Variants in IL15RA observed in about 807,000 individuals in gnomAD.
IL15RA encodes interleukin-15 receptor subunit alpha.
In IL15RA, 26 loss-of-function variants were observed where a neutral mutation model predicts 24.2. The observed-to-expected ratio is 1.07, with a 90% CI of 0.79 to 1.49. The LOEUF is 1.49. Among genes scored for constraint, IL15RA ranks in the 40% most tolerant of loss-of-function variants. The pLI is 0.00. For synonymous variants in IL15RA, 166 were observed against 157.6 expected, an observed-to-expected ratio of 1.05 and a Z score of -0.40; for missense variants, 354 against 356.4, an observed-to-expected ratio of 0.99 and a Z score of 0.05.
At chr10:5,969,109 T>C (rs1837131847) in intron 1 of IL15RA, among the ~76,000 whole-genome samples, 1 of 152,210 alleles carries the variant, frequency 6.6e-6, no homozygotes, top group African/African-American at 2.4e-5. Context: ...CCGTGCTGCC[T>C]TGATTATTGT....
rs8177697 is a variant in IL15RA at position 5,961,722 on chromosome 10, G to A, written c.383-1155C>T. ...TGCCCCTGCACTGTAAGGGTGTGGCGTAACTGTGCTGTTCCCTCTCCATGA... is the reference window on the plus strand; with the variant it reads ...TGCCCCTGCACTGTAAGGGTGTGGCATAACTGTGCTGTTCCCTCTCCATGA... On this transcript the variant is annotated intron_variant, in intron 3 of 6. Coordinates refer to ENST00000379977, the MANE Select transcript of IL15RA (RefSeq NM_002189.4). The surrounding 1 kb of genome is among the most constrained non-coding windows in gnomAD (Gnocchi z 5.2). Among the ~76,000 whole-genome samples, 57 of 152,326 alleles carry A rather than the reference G, an allele frequency of 3.7e-4. No homozygotes were observed. Among genetic ancestry groups the A allele is most frequent in the Middle Eastern group, 3.4e-3 (1 of 294 alleles).
Position 5,970,899 on chromosome 10 carries a change from T to C in IL15RA, c.89-4560A>G, listed in dbSNP as rs1439998010. On this transcript the variant is annotated intron_variant, in intron 1 of 6. Coordinates refer to ENST00000379977, the MANE Select transcript of IL15RA (RefSeq NM_002189.4). The surrounding 1 kb of genome is among the most constrained non-coding windows in gnomAD (Gnocchi z 4.1). ...CCTCAGCCTCCCGAGTAGCTGGGACTAGAGGCACATGCCACCATACCTGGC... is the reference window on the plus strand; with the variant it reads ...CCTCAGCCTCCCGAGTAGCTGGGACCAGAGGCACATGCCACCATACCTGGC... Among the ~76,000 whole-genome samples, 1 of 151,992 alleles carries C rather than the reference T, an allele frequency of 6.6e-6. No individual in the cohort carries two copies. The highest frequency in any genetic ancestry group is 1.9e-4 in the East Asian group (1 of 5,176).
At position 5,966,284 on chromosome 10, in the gene IL15RA, G is replaced by A; in HGVS notation, c.144C>T (p.Ser48=). Residue 48 remains serine (S), a synonymous_variant, in exon 2 of 7, where the codon AGC becomes AGT. Transcript: ENST00000379977. The surrounding 1 kb of genome is among the most constrained non-coding windows in gnomAD (Gnocchi z 6.4). ...SVEHADIWVK[S]YSLYSRERYI... is the part of the protein sequence containing the mutation. ...ACCGCTCCCTGGAGTACAAGCTGTAGCTCTTGACCCAGATGTCTGCGTGTT... is the reference window on the plus strand; with the variant it reads ...ACCGCTCCCTGGAGTACAAGCTGTAACTCTTGACCCAGATGTCTGCGTGTT... The A allele has an allele frequency of 6.2e-7, 1 of 1,614,040 alleles. No homozygotes were observed. Among genetic ancestry groups the A allele is most frequent in the Non-Finnish European group, 8.5e-7 (1 of 1,179,878 alleles).
At chr10:5,954,226 CA>C (rs1235786312) in intron 6 of IL15RA, among the ~76,000 whole-genome samples, 1 of 136,724 alleles carries the variant, frequency 7.3e-6, no homozygotes, top group African/African-American at 2.8e-5. Flanking sequence ...GGCTGGAGTG[CA>C]GTGGTGTGAT....
chr10:5,969,443 G>C (rs41294187), intron 1 of IL15RA, among the ~76,000 whole-genome samples: 1,594 of 152,120 alleles, frequency 0.01, 27 homozygotes, highest in Admixed American at 0.035. Context: ...CATGATCATA[G>C]CTCACTGCAG....
chr10:5,971,550 C>T lies in IL15RA; in HGVS notation c.89-5211G>A, dbSNP rs1345639722. Among the ~76,000 whole-genome samples, 1 of 152,212 alleles carries T rather than the reference C, an allele frequency of 6.6e-6. No homozygotes were observed. Among genetic ancestry groups the T allele is most frequent in the Non-Finnish European group, 1.5e-5 (1 of 68,044 alleles). Reference sequence around the variant, plus strand: ...ATCCTGTGAGCAGAGTCAGAATGGACTCCAACATTCCCCTCGCTTACAGCA... The same window carrying T: ...ATCCTGTGAGCAGAGTCAGAATGGATTCCAACATTCCCCTCGCTTACAGCA... On this transcript the variant is annotated intron_variant, in intron 1 of 6. Coordinates refer to ENST00000379977, the MANE Select transcript of IL15RA (RefSeq NM_002189.4). This position sits in a 1 kb window ranked among gnomAD's most constrained non-coding sequence, Gnocchi z 5.5.
rs181522524 is a variant in IL15RA at position 5,970,579 on chromosome 10, A to G, written c.89-4240T>C. On this transcript the variant is annotated intron_variant, in intron 1 of 6. Transcript: ENST00000379977. The surrounding 1 kb of genome is among the most constrained non-coding windows in gnomAD (Gnocchi z 4.1). ...CTGTGAATAGTTAATGTTTGAATGT[A>G]CAAGGATATCAATGTACTACAGCCA... 2.0e-5 allele frequency among the ~76,000 whole-genome samples: 3 copies of G among 152,292 alleles called. No homozygotes were observed. Among genetic ancestry groups the G allele is most frequent in the South Asian group, 4.1e-4 (2 of 4,832 alleles).
rs761743176 is a variant in IL15RA, at chr10:5,975,103, CAT to C, written c.88+2300_88+2301del. 6.6e-6 allele frequency among the ~76,000 whole-genome samples: 1 copy of C among 151,836 alleles called. No individual in the cohort carries two copies. The highest frequency in any genetic ancestry group is 1.5e-5 in the Non-Finnish European group (1 of 67,984). On this transcript the variant is annotated intron_variant, in intron 1 of 6. Coordinates refer to ENST00000379977, the MANE Select transcript of IL15RA (RefSeq NM_002189.4). This position sits in a 1 kb window ranked among gnomAD's most constrained non-coding sequence, Gnocchi z 4.8. ...ATTCTCTACCCATGAGAAATGAAAA[CAT>C]GTGTCCATACAGAAACCTGTATGTC...
chr10:5,977,147 C>A, intron 1 of IL15RA: 1 of 329,488 alleles, frequency 3.0e-6, no homozygotes, highest in Non-Finnish European at 5.5e-6. Flanking sequence ...CCTCGGAGAC[C>A]CCAGCCAGGC....
chr10:5,962,751 G>A lies in IL15RA; in HGVS notation c.382+992C>T, dbSNP rs1222300605. On this transcript the variant is annotated intron_variant, in intron 3 of 6. Coordinates refer to ENST00000379977, the MANE Select transcript of IL15RA (RefSeq NM_002189.4). The surrounding 1 kb of genome is among the most constrained non-coding windows in gnomAD (Gnocchi z 5.2). Reference sequence around the variant, plus strand: ...GAGTCCTGTAGTATGAATGACAACAGACAGGCCCATCCCCCCGGGGGCAAA... The same window carrying A: ...GAGTCCTGTAGTATGAATGACAACAAACAGGCCCATCCCCCCGGGGGCAAA... Among the ~76,000 whole-genome samples, 2 of 152,076 alleles carry A rather than the reference G, an allele frequency of 1.3e-5. No individual in the cohort carries two copies. Among genetic ancestry groups the A allele is most frequent in the East Asian group, 3.9e-4 (2 of 5,184 alleles).
chr10:5,958,882 T>C lies in IL15RA; in HGVS notation c.616+872A>G, dbSNP rs935728343. Reference sequence around the variant, plus strand: ...AATTACAGTTGGGTTTTTTGTTACTTTGGAAGCTTGTCAGCCTGGAGCATG... The same window carrying C: ...AATTACAGTTGGGTTTTTTGTTACTCTGGAAGCTTGTCAGCCTGGAGCATG... On this transcript the variant is annotated intron_variant, in intron 5 of 6. Coordinates refer to ENST00000379977, the MANE Select transcript of IL15RA (RefSeq NM_002189.4). This position sits in a 1 kb window ranked among gnomAD's most constrained non-coding sequence, Gnocchi z 4.3. Among the ~76,000 whole-genome samples the C allele has an allele frequency of 6.6e-6, 1 of 152,204 alleles. No homozygotes were observed. The highest frequency in any genetic ancestry group is 2.4e-5 in the African/African-American group (1 of 41,454).
chr10:5,966,058 C>G lies in IL15RA; in HGVS notation c.283+87G>C, dbSNP rs531569259. 1.1e-6 allele frequency: 1 copy of G among 942,492 alleles called. No homozygotes were observed. Among genetic ancestry groups the G allele is most frequent in the Non-Finnish European group, 1.7e-6 (1 of 605,664 alleles). 58.4% of individuals were successfully genotyped at this position (942,492 alleles called of 1,614,324 possible). A position where few individuals can be genotyped will look rare whatever the true frequency, so the allele number is the denominator to read the frequency against. On this transcript the variant is annotated intron_variant, in intron 2 of 6. Transcript: ENST00000379977. This position sits in a 1 kb window ranked among gnomAD's most constrained non-coding sequence, Gnocchi z 6.4. ...TTTAGCCTCAGACCTCAGCACAGAT[C>G]CCTTGACCCCTGAGATGGGGTCTTC... is the stretch of plus-strand genomic sequence containing the variant.
intron 5 of IL15RA, among the ~76,000 whole-genome samples, chr10:5,957,510 G>A (rs1401574336): frequency 3.3e-5 from 5 of 151,074 alleles, no homozygotes; most frequent in African/African-American, 9.7e-5. Context: ...TCCTGACCTC[G>A]TGATCCGCCT....
chr10:5,960,234 CG>C lies in IL15RA; in HGVS notation c.583+132del. 2.4e-6 allele frequency: 2 copies of C among 850,978 alleles called. No individual in the cohort carries two copies. The highest frequency in any genetic ancestry group is 1.9e-6 in the Non-Finnish European group (1 of 523,322). 52.7% of individuals were successfully genotyped at this position (850,978 alleles called of 1,614,324 possible). ...AGGCCAGGACGCCGTGGCTGGTGGCCGGGGCCAGCAGGCTGCCCAGTGAATC... is the reference window on the plus strand; with the variant it reads ...AGGCCAGGACGCCGTGGCTGGTGGCCGGGCCAGCAGGCTGCCCAGTGAATC... On this transcript the variant is annotated intron_variant, in intron 4 of 6. Coordinates refer to ENST00000379977, the MANE Select transcript of IL15RA (RefSeq NM_002189.4). The surrounding 1 kb of genome is among the most constrained non-coding windows in gnomAD (Gnocchi z 5.1).
rs1386995080 is a variant in IL15RA, at chr10:5,975,866, C to T, written c.88+1539G>A. Among the ~76,000 whole-genome samples the T allele has an allele frequency of 6.6e-6, 1 of 151,658 alleles. No homozygotes were observed. The highest frequency in any genetic ancestry group is 1.5e-5 in the Non-Finnish European group (1 of 67,942). ...TGAGATCGCGCTACTGCACCCCAGC[C>T]GGGGTGACAGAGTGAGACTCCGTCT... On this transcript the variant is annotated intron_variant, in intron 1 of 6. Transcript: ENST00000379977. This position sits in a 1 kb window ranked among gnomAD's most constrained non-coding sequence, Gnocchi z 4.8.
downstream of IL15RA, among the ~76,000 whole-genome samples, chr10:5,952,069 T>A (rs1833914784): frequency 6.6e-6 from 1 of 152,178 alleles, no homozygotes; most frequent in Non-Finnish European, 1.5e-5. Flanking sequence ...GAGGTGGGGT[T>A]AGGCCCATGA....
Position 5,960,391 on chromosome 10 carries a change from CTG to C in IL15RA, c.557_558del (p.Thr186SerfsTer54). On this transcript the variant is annotated frameshift_variant, in exon 4 of 7. Coordinates refer to ENST00000379977, the MANE Select transcript of IL15RA (RefSeq NM_002189.4). LOFTEE classifies it high-confidence loss of function. The surrounding 1 kb of genome is among the most constrained non-coding windows in gnomAD (Gnocchi z 5.1). ...SQTTAKNWEL[T>X]ASASHQPPGV... ...CCTGGCGGCTGGTGGGAGGCGGATG[CTG>C]TGAGTTCCCAGTTCTTGGCTGTTGT... 6.2e-7 allele frequency: 1 copy of C among 1,614,022 alleles called. No individual in the cohort carries two copies. Among genetic ancestry groups the C allele is most frequent in the Non-Finnish European group, 8.5e-7 (1 of 1,179,970 alleles).
At chr10:5,974,780 G>A (rs8177642) in intron 1 of IL15RA, among the ~76,000 whole-genome samples, 4,430 of 152,182 alleles carry the variant, frequency 0.029, 213 homozygotes, top group African/African-American at 0.1. Context: ...AGGAGGCTGA[G>A]GCAGGAGAAT....
Position 5,967,207 on chromosome 10 carries a change from C to T in IL15RA, c.89-868G>A, listed in dbSNP as rs1056482997. On this transcript the variant is annotated intron_variant, in intron 1 of 6. Coordinates refer to ENST00000379977, the MANE Select transcript of IL15RA (RefSeq NM_002189.4). This position sits in a 1 kb window ranked among gnomAD's most constrained non-coding sequence, Gnocchi z 4.4. ...CCTTGCCTTACCTTGCCTTACCTTG[C>T]CTTGCCTTTCTTTTTTGAGACGGAG... Among the ~76,000 whole-genome samples the T allele has an allele frequency of 1.3e-5, 2 of 152,110 alleles. No individual in the cohort carries two copies. Among genetic ancestry groups the T allele is most frequent in the Admixed American group, 1.3e-4 (2 of 15,268 alleles).
Sources: allele counts gnomAD v4.1 joint callset (sites outside exome capture counted in the v4.1 genomes callset), GRCh38; gene constraint gnomAD v4.1.1; non-coding constraint Gnocchi (gnomAD v3.1); transcripts MANE v1.5; gene names NCBI Gene and HGNC (gene_info 2026-07-23, HGNC 2026-07-21).